The following ADGRV1 variants were observed in gnomAD, a reference collection of about 807,000 sequenced individuals.
ADGRV1 encodes G-protein coupled receptor 98.
ADGRV1 carries 359 observed loss-of-function variants against 596.2 expected under a neutral mutation model. That is an observed-to-expected ratio of 0.60 (90% CI 0.55 to 0.66). ADGRV1 has a LOEUF of 0.66. Ranked by LOEUF, ADGRV1 falls within the 30% of genes least tolerant of loss-of-function variation. ADGRV1 has a pLI of 0.00. For missense variants in ADGRV1, 7,274 were observed against 7,575.6 expected, an observed-to-expected ratio of 0.96 and a Z score of 1.48; for synonymous variants, 2,681 against 2,679.2, an observed-to-expected ratio of 1.00 and a Z score of -0.02.
At chr5:91,092,855 G>A (rs1335996446) in intron 86 of ADGRV1, among the ~76,000 whole-genome samples, 4 of 152,160 alleles carry the variant, frequency 2.6e-5, no homozygotes, top group African/African-American at 4.8e-5. Context: ...TTTTCCTAAC[G>A]TGACTAAACT....
chr5:90,614,594 A>G, intron 1 of ADGRV1: 1 of 477,720 alleles, frequency 2.1e-6, no homozygotes, highest in African/African-American at 2.0e-5. Context: ...TTATCTTGGT[A>G]TAGAAGCTAA....
At chr5:90,976,214 G>GTA (rs199752660) in intron 84 of ADGRV1, among the ~76,000 whole-genome samples, 9,321 of 140,812 alleles carry the variant, frequency 0.066, 697 homozygotes, top group African/African-American at 0.19. Flanking sequence ...GTGTGTGAGT[G>GTA]TGTATATATA....
At chr5:90,873,805 G>GAAAA (rs4019420) in intron 83 of ADGRV1, among the ~76,000 whole-genome samples, 5 of 147,570 alleles carry the variant, frequency 3.4e-5, no homozygotes, top group Non-Finnish European at 3.0e-5. Context: ...AAAAAGAAAG[G>GAAAA]AAAAAAAAAA....
At chr5:90,799,392 G>C (rs1761108822) in intron 70 of ADGRV1, among the ~76,000 whole-genome samples, 1 of 152,076 alleles carries the variant, frequency 6.6e-6, no homozygotes, top group Non-Finnish European at 1.5e-5. Context: ...ACCTTTTCAA[G>C]GACAACCACA....
At chr5:90,647,225 A>G (rs1767918106) in intron 16 of ADGRV1, among the ~76,000 whole-genome samples, 2 of 152,198 alleles carry the variant, frequency 1.3e-5, no homozygotes, top group South Asian at 2.1e-4. Context: ...GGTTTATGAA[A>G]TAGTAAGCAG....
intron 1 of ADGRV1, among the ~76,000 whole-genome samples, chr5:90,597,382 G>A (rs1176416547): frequency 1.3e-5 from 2 of 152,162 alleles, no homozygotes; most frequent in South Asian, 2.1e-4. Context: ...ACTTTAGTAA[G>A]TATTTTGAAT....
Position 90,642,987 on chromosome 5 carries a change from T to C in ADGRV1, c.2499T>C (p.Pro833=). ...YGNTGVLEFK[P]GEREIVITLL... ...ACACGGGAGTACTAGAATTTAAACC[T>C]GGAGAAAGGGAGATAGTGATCACCT... is the stretch of plus-strand genomic sequence containing the variant. The change falls in exon 13 of 90, where the codon CCT becomes CCC. Residue 833 remains proline, a synonymous_variant. Transcript: ENST00000405460. 6.2e-7 allele frequency: 1 copy of C among 1,613,626 alleles called. No individual in the cohort carries two copies. Among genetic ancestry groups the C allele is most frequent in the Non-Finnish European group, 8.5e-7 (1 of 1,179,612 alleles).
chr5:90,674,265 CT>C, intron 23 of ADGRV1, 31 bp downstream of exon 23: 1 of 1,518,272 alleles, frequency 6.6e-7, no homozygotes, highest in Non-Finnish European at 8.8e-7. Context: ...GAAAAATCCT[CT>C]CTTCTCTGGG....
At chr5:90,931,533 T>C (rs898269655) in intron 83 of ADGRV1, among the ~76,000 whole-genome samples, 7 of 152,212 alleles carry the variant, frequency 4.6e-5, no homozygotes, top group Non-Finnish European at 1.0e-4. Context: ...TTGCTTTTCT[T>C]GAAGTAATAT....
At chr5:90,647,049 G>A (rs1767898481) in intron 16 of ADGRV1, among the ~76,000 whole-genome samples, 1 of 152,076 alleles carries the variant, frequency 6.6e-6, no homozygotes, top group South Asian at 2.1e-4. Context: ...TGGGATTACA[G>A]GTGTGAGCCA....
chr5:90,616,206 A>G (rs1382116751), intron 2 of ADGRV1, among the ~76,000 whole-genome samples: 4 of 152,048 alleles, frequency 2.6e-5, no homozygotes, highest in Non-Finnish European at 4.4e-5. Flanking sequence ...TTCCCTATAC[A>G]TGATTTTTAT....
rs1349164891 is a variant in ADGRV1 at position 90,617,950 on chromosome 5, A to G, written c.354A>G (p.Leu118=). The change falls in exon 3 of 90, where the codon TTA becomes TTG. Residue 118 remains leucine (L), a synonymous_variant. Coordinates refer to ENST00000405460, the MANE Select transcript of ADGRV1 (RefSeq NM_032119.4). The stretch of plus-strand genomic sequence containing the variant: ...AAACTTTTATTTTTCACTTAACATT[A>G]CAGGTAAGTCCGTGTTTCCTCCTTA... ...PDETFIFHLT[L]QKPSANVKLG... 1.3e-6 allele frequency: 2 copies of G among 1,564,838 alleles called. No individual in the cohort carries two copies. The highest frequency in any genetic ancestry group is 2.3e-5 in the East Asian group (1 of 43,180).
intron 85 of ADGRV1, among the ~76,000 whole-genome samples, chr5:91,014,355 G>C (rs912807280): frequency 6.6e-6 from 1 of 151,876 alleles, no homozygotes; most frequent in African/African-American, 2.4e-5. Flanking sequence ...TTGTTTCTCT[G>C]CCAGGTTTTG....
chr5:90,784,216 A>C (rs957710678), intron 67 of ADGRV1, among the ~76,000 whole-genome samples, 159 bp downstream of exon 67: 2 of 152,200 alleles, frequency 1.3e-5, no homozygotes, highest in Admixed American at 6.5e-5. Context: ...GATTAAGTAC[A>C]TAAAAATGTA....
At chr5:90,678,232 A>G (rs1205558754) in intron 25 of ADGRV1, among the ~76,000 whole-genome samples, 2 of 152,106 alleles carry the variant, frequency 1.3e-5, no homozygotes, top group Admixed American at 6.5e-5. Flanking sequence ...TTACACTAGC[A>G]TGTCAATCAA....
chr5:90,731,170 T>C (rs2443071), intron 50 of ADGRV1, among the ~76,000 whole-genome samples: 89,210 of 152,004 alleles, frequency 0.59, 27,529 homozygotes, highest in East Asian at 0.8. Context: ...ATAGAAAGCA[T>C]GCTTTGGGAG....
At chr5:90,822,187 G>C (rs1052906418) in intron 75 of ADGRV1, 1 of 153,634 alleles carries the variant, frequency 6.5e-6, no homozygotes, top group African/African-American at 2.4e-5. Flanking sequence ...TTCCAGGTGC[G>C]TCCGTCACCC....
chr5:90,616,767 T>C (rs1763419473), intron 2 of ADGRV1, among the ~76,000 whole-genome samples: 1 of 152,222 alleles, frequency 6.6e-6, no homozygotes, highest in African/African-American at 2.4e-5. Context: ...TTATAATTCC[T>C]CTCTTCTAGC....
chr5:91,158,160 G>A (rs1796629279), intron 89 of ADGRV1, among the ~76,000 whole-genome samples: 1 of 152,154 alleles, frequency 6.6e-6, no homozygotes, highest in Admixed American at 6.6e-5. Context: ...GAGATTATGT[G>A]ACAATGAGCC....
Sources: allele counts gnomAD v4.1 joint callset (sites outside exome capture counted in the v4.1 genomes callset), GRCh38; gene constraint gnomAD v4.1.1; transcripts MANE v1.5; gene names NCBI Gene and HGNC (gene_info 2026-07-23, HGNC 2026-07-21).